Variants in CCDC141 observed in about 807,000 individuals in gnomAD.
The protein encoded by CCDC141 is coiled-coil domain containing 141.
In CCDC141, 168 loss-of-function variants were observed where a neutral mutation model predicts 181.0. That is an observed-to-expected ratio of 0.93 (90% confidence interval 0.82 to 1.05). CCDC141 has a LOEUF of 1.05. Ranked by LOEUF, CCDC141 falls within the 50% of genes least tolerant of loss-of-function variation. CCDC141 has a pLI of 0.00. For missense variants in CCDC141, 1,902 were observed against 1,788.5 expected (o/e 1.06, Z -1.14); for synonymous variants, 666 against 642.3 (o/e 1.04, Z -0.56).
chr2:178,877,556 T>C (rs1686405173), intron 12 of CCDC141: 1 of 209,848 alleles, frequency 4.8e-6, no homozygotes, highest in Non-Finnish European at 9.3e-6. Context: ...GGATCTTCAC[T>C]ACAAAGAGAT....
rs1259317562 is a variant in CCDC141, at chr2:178,855,419, G to C, written c.2988C>G (p.Asp996Glu). Residue 996 changes from aspartate to glutamate, a missense_variant, in exon 19 of 24, where the codon GAC becomes GAG. Coordinates refer to ENST00000443758, the MANE Select transcript of CCDC141 (RefSeq NM_173648.4). ...VMKDLQKHVD[D>E]FDKVVTDYKK... is the part of the protein sequence containing the mutation. ...TGTAATCTGTCACAACTTTGTCAAA[G>C]TCATCCACATGTTTTTGCAAATCCT... 6.2e-7 allele frequency: 1 copy of C among 1,611,678 alleles called. No homozygotes were observed. The highest frequency in any genetic ancestry group is 8.5e-7 in the Non-Finnish European group (1 of 1,179,192).
intron 12 of CCDC141, chr2:178,874,354 A>T (rs907157109): frequency 2.6e-5 from 4 of 152,190 alleles, no homozygotes; most frequent in African/African-American, 9.7e-5. Flanking sequence ...TGACATCAAG[A>T]TAAAAGAACA....
intron 9 of CCDC141, among the ~76,000 whole-genome samples, chr2:178,887,820 AT>A (rs1022273193): frequency 1.3e-5 from 2 of 152,246 alleles, no homozygotes; most frequent in African/African-American, 4.8e-5. Flanking sequence ...ATCATTGAAA[AT>A]TTGAGACCAA....
the CCDC141 span, among the ~76,000 whole-genome samples, chr2:178,816,904 T>C: frequency 6.6e-6 from 1 of 152,208 alleles, no homozygotes; most frequent in East Asian, 1.9e-4. Flanking sequence ...TTGGTTTTCA[T>C]ATTCTAGCTT....
intron 2 of CCDC141, among the ~76,000 whole-genome samples, chr2:179,022,952 G>A (rs898166190): frequency 2.6e-5 from 4 of 152,062 alleles, no homozygotes; most frequent in East Asian, 3.9e-4. Context: ...GAAGTGACGC[G>A]TACCATCCCT....
chr2:178,863,385 G>A (rs1685703012), intron 17 of CCDC141, among the ~76,000 whole-genome samples: 1 of 152,164 alleles, frequency 6.6e-6, no homozygotes, highest in Non-Finnish European at 1.5e-5. Flanking sequence ...ACTTGGTTTA[G>A]TCCTCTGGCA....
chr2:178,853,636 TG>T lies in CCDC141; in HGVS notation c.3061-13del. ...TACCAAAAATGACACTAAATTTAAA[TG>T]GGATAAAGCACAGATGAAAGAAATA... is the stretch of plus-strand genomic sequence containing the variant. On this transcript the variant is annotated splice_polypyrimidine_tract_variant and intron_variant, in intron 19 of 23. Transcript: ENST00000443758. 6.2e-7 allele frequency: 1 copy of T among 1,609,596 alleles called. No homozygotes were observed. Among genetic ancestry groups the T allele is most frequent in the Non-Finnish European group, 8.5e-7 (1 of 1,177,036 alleles).
intron 6 of CCDC141, among the ~76,000 whole-genome samples, chr2:178,924,563 G>A (rs1688840086): frequency 1.3e-5 from 2 of 152,048 alleles, no homozygotes; most frequent in African/African-American, 4.8e-5. Flanking sequence ...CTCTGATTAT[G>A]TCAAGTTGGA....
the CCDC141 span, among the ~76,000 whole-genome samples, chr2:178,819,915 G>T: frequency 6.6e-6 from 1 of 151,984 alleles, no homozygotes; most frequent in African/African-American, 2.4e-5. Flanking sequence ...TTTTTATATA[G>T]AACATTTTCT....
chr2:178,920,178 G>A (rs1021843471), intron 6 of CCDC141, among the ~76,000 whole-genome samples: 7 of 152,148 alleles, frequency 4.6e-5, no homozygotes, highest in Non-Finnish European at 1.0e-4. Flanking sequence ...ATAGGCATAG[G>A]CTACTTGTGA....
the CCDC141 span, among the ~76,000 whole-genome samples, chr2:178,819,497 T>C: frequency 6.6e-6 from 1 of 152,240 alleles, no homozygotes; most frequent in Non-Finnish European, 1.5e-5. Flanking sequence ...CATTATTTGC[T>C]GGATTTTATT....
At chr2:178,857,838 C>T (rs768334023) in intron 17 of CCDC141, among the ~76,000 whole-genome samples, 53 of 152,102 alleles carry the variant, frequency 3.5e-4, no homozygotes, top group Non-Finnish European at 6.3e-4. Flanking sequence ...TGTGCATGTG[C>T]TAGATTATAG....
chr2:178,975,743 A>T (rs961606977), intron 3 of CCDC141, among the ~76,000 whole-genome samples: 3 of 152,204 alleles, frequency 2.0e-5, no homozygotes, highest in Non-Finnish European at 4.4e-5. Context: ...AAAAAAATAT[A>T]TATTTGTATA....
intron 5 of CCDC141, among the ~76,000 whole-genome samples, chr2:178,948,650 C>A (rs968881564): frequency 2.0e-5 from 3 of 152,010 alleles, no homozygotes; most frequent in Non-Finnish European, 2.9e-5. Flanking sequence ...AGGAGCGGAC[C>A]CCTCATGAAT....
At position 178,832,672 on chromosome 2, in the gene CCDC141, TTCAG is replaced by T. The variant is rs1684307071; in HGVS notation, c.*1497_*1500del. ...ACACATTTCACATCTTCAGATAACATTCAGTAACTTTTTAATAACAACTTGAATA... is the reference window on the plus strand; with the variant it reads ...ACACATTTCACATCTTCAGATAACATTAACTTTTTAATAACAACTTGAATA... On this transcript the variant is annotated 3_prime_UTR_variant, in exon 24 of 24. Coordinates refer to ENST00000443758, the MANE Select transcript of CCDC141 (RefSeq NM_173648.4). 1 of 152,078 alleles carries T rather than the reference TTCAG, an allele frequency of 6.6e-6. No individual in the cohort carries two copies. The highest frequency in any genetic ancestry group is 1.5e-5 in the Non-Finnish European group (1 of 68,000). 9.4% of individuals were successfully genotyped at this position (152,078 alleles called of 1,614,324 possible). A position where few individuals can be genotyped will look rare whatever the true frequency, so the allele number is the denominator to read the frequency against.
At chr2:178,839,702 C>T (rs759092270) in intron 22 of CCDC141, among the ~76,000 whole-genome samples, 22 of 151,014 alleles carry the variant, frequency 1.5e-4, no homozygotes, top group Non-Finnish European at 2.8e-4. Flanking sequence ...CCCAACTTAG[C>T]GAAAGTGGTT....
chr2:178,869,878 C>T (rs1558942272), intron 14 of CCDC141, among the ~76,000 whole-genome samples: 1 of 152,192 alleles, frequency 6.6e-6, no homozygotes, highest in Non-Finnish European at 1.5e-5. Context: ...TTTCACCCAG[C>T]ATTGCTCAGA....
intron 2 of CCDC141, among the ~76,000 whole-genome samples, chr2:178,985,996 C>T (rs976995691): frequency 1.1e-4 from 16 of 152,252 alleles, no homozygotes; most frequent in African/African-American, 3.6e-4. Context: ...ATACCAAAGC[C>T]GGGCAGAGAC....
At chr2:179,010,054 G>T (rs2042223911) in intron 2 of CCDC141, among the ~76,000 whole-genome samples, 1 of 152,076 alleles carries the variant, frequency 6.6e-6, no homozygotes, top group East Asian at 1.9e-4. Flanking sequence ...AAGAAATTCA[G>T]AGCTCAAAGA....
Sources: gnomAD v4.1 joint callset for allele counts (sites outside exome capture counted in the v4.1 genomes callset) on GRCh38, gnomAD v4.1.1 for gene constraint, MANE v1.5 for transcripts, NCBI Gene and HGNC (gene_info 2026-07-23, HGNC 2026-07-21) for gene names.